LRRTM4: variants seen among roughly 807,000 people sequenced by gnomAD.
LRRTM4 encodes leucine-rich repeat transmembrane neuronal protein 4.
Under a neutral mutation model 47.6 loss-of-function variants are expected in LRRTM4, and 25 were observed. The ratio of observed to expected loss-of-function variants is 0.53; its 90% CI spans 0.38 to 0.73. The LOEUF (loss-of-function observed/expected upper bound fraction) is 0.73. Among genes scored for constraint, LRRTM4 ranks in the 30% least tolerant of loss-of-function variants. LRRTM4 has a pLI of 0.00. For synonymous variants in LRRTM4, 311 were observed against 269.5 expected (o/e 1.15, Z -1.51); for missense variants, 638 against 713.4 (o/e 0.89, Z 1.20).
chr2:77,115,187 C>A (rs1400189797), intron 3 of LRRTM4, among the ~76,000 whole-genome samples: 2 of 152,142 alleles, frequency 1.3e-5, no homozygotes, highest in Non-Finnish European at 2.9e-5. Flanking sequence ...CTCCTACTTG[C>A]ATGTCCGTTT....
chr2:77,090,834 A>G (rs1001142082), intron 3 of LRRTM4, among the ~76,000 whole-genome samples: 35 of 152,104 alleles, frequency 2.3e-4, no homozygotes, highest in Non-Finnish European at 4.0e-4. Context: ...TCGGCTTAGC[A>G]GCTGAAGACT....
chr2:76,812,112 T>TCC (rs1670751968), intron 3 of LRRTM4, among the ~76,000 whole-genome samples: 2 of 152,156 alleles, frequency 1.3e-5, no homozygotes, highest in African/African-American at 4.8e-5. Flanking sequence ...CATAAAGCAC[T>TCC]AAGAAAAATT....
chr2:76,904,919 G>C (rs548494796), intron 3 of LRRTM4, among the ~76,000 whole-genome samples: 3 of 152,148 alleles, frequency 2.0e-5, no homozygotes, highest in Non-Finnish European at 4.4e-5. Context: ...GAACAGCTTC[G>C]GTCTACAGCT....
chr2:76,821,400 T>C (rs1573167837), intron 3 of LRRTM4, among the ~76,000 whole-genome samples: 1 of 151,688 alleles, frequency 6.6e-6, no homozygotes, highest in Non-Finnish European at 1.5e-5. Flanking sequence ...TTATGTACAC[T>C]TGAGGACAGA....
chr2:77,502,975 T>C (rs1678630818), intron 3 of LRRTM4, among the ~76,000 whole-genome samples: 1 of 150,560 alleles, frequency 6.6e-6, no homozygotes, highest in Non-Finnish European at 1.5e-5. Flanking sequence ...GAGTCATCCA[T>C]GAATGGAGAT....
chr2:77,408,704 T>A (rs1373726630), intron 3 of LRRTM4, among the ~76,000 whole-genome samples: 1 of 152,210 alleles, frequency 6.6e-6, no homozygotes, highest in Non-Finnish European at 1.5e-5. Flanking sequence ...TTCCCCATTG[T>A]GGCCCTTGTG....
At chr2:77,083,783 C>A (rs1285964901) in intron 3 of LRRTM4, among the ~76,000 whole-genome samples, 1 of 52,404 alleles carries the variant, frequency 1.9e-5, no homozygotes. Context: ...ACTGGACACA[C>A]TTTTTTTTTT....
At chr2:76,974,411 G>T (rs1374701642) in intron 3 of LRRTM4, among the ~76,000 whole-genome samples, 1 of 150,630 alleles carries the variant, frequency 6.6e-6, no homozygotes, top group African/African-American at 2.4e-5. Context: ...TAAAAGGTTT[G>T]AAACTATGCA....
At chr2:77,522,026 C>G (rs1327722419) in intron 1 of LRRTM4, 83 bp downstream of exon 1, 3 of 703,536 alleles carry the variant, frequency 4.3e-6, no homozygotes, top group Non-Finnish European at 5.3e-6. Flanking sequence ...AATTGGCAAT[C>G]TGTGCAAAAG....
chr2:77,417,774 G>A (rs1307582730), intron 3 of LRRTM4, among the ~76,000 whole-genome samples: 1 of 151,460 alleles, frequency 6.6e-6, no homozygotes, highest in East Asian at 2.0e-4. Flanking sequence ...TGGGGGGGAA[G>A]GGGGGAGGAA....
intron 3 of LRRTM4, among the ~76,000 whole-genome samples, chr2:77,059,407 G>C (rs1265616617): frequency 2.6e-5 from 4 of 151,798 alleles, no homozygotes; most frequent in African/African-American, 7.3e-5. Context: ...TCAGCACTTA[G>C]ATATTAGAAC....
chr2:77,041,540 G>A (rs989960323), intron 3 of LRRTM4, among the ~76,000 whole-genome samples: 4 of 151,360 alleles, frequency 2.6e-5, no homozygotes, highest in African/African-American at 9.7e-5. Context: ...CAATGTATAA[G>A]AATTTGCCCT....
chr2:77,009,252 G>C (rs930267844), intron 3 of LRRTM4: 6 of 152,216 alleles, frequency 3.9e-5, no homozygotes, highest in Admixed American at 1.3e-4. Context: ...TGTAATTACT[G>C]TATGATTTCA....
intron 3 of LRRTM4, among the ~76,000 whole-genome samples, chr2:77,505,828 G>A (rs1310657372): frequency 6.6e-6 from 1 of 151,194 alleles, no homozygotes; most frequent in African/African-American, 2.4e-5. Flanking sequence ...GATATAAATC[G>A]AGCTCTAAGA....
chr2:77,227,299 C>T (rs1376080164), intron 3 of LRRTM4, among the ~76,000 whole-genome samples: 2 of 152,036 alleles, frequency 1.3e-5, no homozygotes, highest in Non-Finnish European at 2.9e-5. Context: ...TTTAATATTA[C>T]TGCCAATGGG....
chr2:77,516,708 G>C, intron 3 of LRRTM4: 1 of 965,568 alleles, frequency 1.0e-6, no homozygotes, highest in Non-Finnish European at 1.2e-6. Context: ...AAGGGCAATT[G>C]CTTATACAGT....
At chr2:77,204,132 T>C (rs756407416) in intron 3 of LRRTM4, among the ~76,000 whole-genome samples, 2 of 152,044 alleles carry the variant, frequency 1.3e-5, no homozygotes, top group Admixed American at 1.3e-4. Flanking sequence ...AAAGATTGCA[T>C]CTCCCAAGCA....
At chr2:77,477,937 AAGAAAGAAAGAAAGAAAGAAAG>A (rs1285366609) in intron 3 of LRRTM4, among the ~76,000 whole-genome samples, 1 of 148,644 alleles carries the variant, frequency 6.7e-6, no homozygotes, top group African/African-American at 2.5e-5. Context: ...GAAAGAAAGA[AAGAAAGAAAGAAAGAAAGAAAG>A]AAAGAAAGAA....
intron 3 of LRRTM4, among the ~76,000 whole-genome samples, chr2:76,835,720 T>C (rs1417420714): frequency 6.6e-6 from 1 of 152,066 alleles, no homozygotes; most frequent in African/African-American, 2.4e-5. Flanking sequence ...TATTTCTTTA[T>C]ACATCCACCT....
Sources: gnomAD v4.1 joint callset for allele counts (sites outside exome capture counted in the v4.1 genomes callset) on GRCh38, gnomAD v4.1.1 for gene constraint, MANE v1.5 for transcripts, NCBI Gene and HGNC (gene_info 2026-07-23, HGNC 2026-07-21) for gene names.